The following RABGAP1 variants were observed in gnomAD, a reference collection of about 807,000 sequenced individuals.
The protein encoded by RABGAP1 is rab GTPase-activating protein 1.
A neutral mutation model predicts 137.6 loss-of-function variants in RABGAP1; 23 were observed. That is an observed-to-expected ratio of 0.17 (90% CI 0.12 to 0.24). The LOEUF (loss-of-function observed/expected upper bound fraction) is 0.24, where lower values mean the gene tolerates loss of function less well. RABGAP1 is among the 10% of genes least tolerant of loss of function. The probability of loss-of-function intolerance (pLI) is 1.00; values close to 1 mark genes in which losing one functional copy is unlikely to be tolerated. For synonymous variants in RABGAP1, 451 were observed against 450.7 expected (o/e 1.00, Z -0.01); for missense variants, 906 against 1,275.8 (o/e 0.71, Z 4.42).
chr9:123,043,364 C>G (rs912826519), intron 13 of RABGAP1, among the ~76,000 whole-genome samples: 3 of 151,890 alleles, frequency 2.0e-5, no homozygotes, highest in Non-Finnish European at 4.4e-5. Context: ...GGAGGTATGT[C>G]TCTAGGAAAA....
intron 2 of RABGAP1, among the ~76,000 whole-genome samples, chr9:122,976,010 C>T (rs1349358556): frequency 6.6e-6 from 1 of 152,152 alleles, no homozygotes; most frequent in African/African-American, 2.4e-5. Context: ...TAGTGAGAGC[C>T]ATTCAGATAA....
chr9:123,094,180 C>G (rs117257927), intron 21 of RABGAP1, among the ~76,000 whole-genome samples: 3,798 of 152,278 alleles, frequency 0.025, 78 homozygotes, highest in Middle Eastern at 0.037. Flanking sequence ...CATATACAAT[C>G]ATATCATCTC....
chr9:123,001,892 G>A (rs980327578), intron 10 of RABGAP1, among the ~76,000 whole-genome samples: 3 of 152,162 alleles, frequency 2.0e-5, no homozygotes, highest in Non-Finnish European at 2.9e-5. Flanking sequence ...TAATAAAAAA[G>A]CACTAAGTCA....
chr9:122,951,881 A>G (rs762915685), intron 1 of RABGAP1, among the ~76,000 whole-genome samples: 1 of 152,184 alleles, frequency 6.6e-6, no homozygotes. Context: ...CTAATTGTGA[A>G]TCTTTATTTA....
intron 13 of RABGAP1, among the ~76,000 whole-genome samples, chr9:123,043,214 C>T (rs2033037242): frequency 6.6e-6 from 1 of 152,136 alleles, no homozygotes; most frequent in African/African-American, 2.4e-5. Flanking sequence ...TAAAGAGATA[C>T]AGAATCCAGG....
intron 15 of RABGAP1, among the ~76,000 whole-genome samples, chr9:123,071,178 C>A (rs1189317540): frequency 2.0e-5 from 3 of 152,190 alleles, no homozygotes; most frequent in Non-Finnish European, 4.4e-5. Flanking sequence ...GTCTGATACA[C>A]AATACACATT....
chr9:122,987,328 A>G (rs1836425142), intron 4 of RABGAP1, among the ~76,000 whole-genome samples: 2 of 152,188 alleles, frequency 1.3e-5, no homozygotes, highest in African/African-American at 2.4e-5. Flanking sequence ...TACCAAAGAT[A>G]CATGCTTATT....
At chr9:123,036,319 G>A (rs1346938495) in intron 13 of RABGAP1, among the ~76,000 whole-genome samples, 1 of 152,196 alleles carries the variant, frequency 6.6e-6, no homozygotes, top group Non-Finnish European at 1.5e-5. Context: ...GCTTCACAGA[G>A]ATCTAAAGAT....
At chr9:122,943,679 C>T (rs924831066) in intron 1 of RABGAP1, among the ~76,000 whole-genome samples, 36 of 152,216 alleles carry the variant, frequency 2.4e-4, no homozygotes, top group Admixed American at 1.8e-3. Flanking sequence ...GTTGGCTGGG[C>T]GCGGTGGCTC....
intron 19 of RABGAP1, 76 bp from the exon 20 acceptor site, chr9:123,089,681 CT>C: frequency 8.8e-7 from 1 of 1,132,348 alleles, no homozygotes; most frequent in Non-Finnish European, 1.3e-6. Flanking sequence ...CACCAGAAGT[CT>C]TGGTCTTCAG....
intron 10 of RABGAP1, among the ~76,000 whole-genome samples, chr9:123,009,753 G>T (rs899789613): frequency 6.6e-6 from 1 of 152,002 alleles, no homozygotes; most frequent in Non-Finnish European, 1.5e-5. Flanking sequence ...ACATTTTTGT[G>T]GTTACTGTTG....
At chr9:123,019,850 G>C (rs2031501348) in intron 12 of RABGAP1, among the ~76,000 whole-genome samples, 1 of 151,888 alleles carries the variant, frequency 6.6e-6, no homozygotes. Context: ...CCACCATGAT[G>C]GGCTAATTTT....
At chr9:123,079,239 G>GTTTTT (rs56098560) in intron 19 of RABGAP1, among the ~76,000 whole-genome samples, 47 of 106,690 alleles carry the variant, frequency 4.4e-4, no homozygotes, top group African/African-American at 1.0e-3. Context: ...GTTTTGTTTT[G>GTTTTT]TTTTTTTTTT....
chr9:123,059,753 C>T (rs1281646863), intron 13 of RABGAP1, among the ~76,000 whole-genome samples: 1 of 152,190 alleles, frequency 6.6e-6, no homozygotes, highest in Admixed American at 6.5e-5. Context: ...CACCTATGAG[C>T]TGCAAAGCGA....
upstream of RABGAP1, among the ~76,000 whole-genome samples, chr9:122,936,743 CA>C (rs1365774919): frequency 6.6e-6 from 1 of 152,224 alleles, no homozygotes; most frequent in Non-Finnish European, 1.5e-5. Context: ...AAAAGAATAG[CA>C]CCTGTTTTGT....
intron 1 of RABGAP1, among the ~76,000 whole-genome samples, chr9:122,949,913 G>C (rs1161433148): frequency 2.0e-5 from 3 of 152,062 alleles, no homozygotes; most frequent in Non-Finnish European, 4.4e-5. Flanking sequence ...CACATTCCCA[G>C]CTGAGCAAGC....
intron 12 of RABGAP1, among the ~76,000 whole-genome samples, chr9:123,017,783 T>C (rs1379012933): frequency 6.6e-6 from 1 of 152,210 alleles, no homozygotes; most frequent in Non-Finnish European, 1.5e-5. Flanking sequence ...CACTGTGCTG[T>C]TATGTGCTCT....
chr9:122,985,875 G>A (rs934553687), intron 3 of RABGAP1, among the ~76,000 whole-genome samples: 2 of 152,104 alleles, frequency 1.3e-5, no homozygotes, highest in Non-Finnish European at 2.9e-5. Context: ...ATTACCTGCT[G>A]AGCACCCCAA....
At chr9:123,024,302 G>C (rs2031826303) in intron 13 of RABGAP1, among the ~76,000 whole-genome samples, 1 of 152,174 alleles carries the variant, frequency 6.6e-6, no homozygotes, top group Non-Finnish European at 1.5e-5. Context: ...ACTTGGATGT[G>C]ACAATTCACA....
Sources: gnomAD v4.1 joint callset for allele counts (sites outside exome capture counted in the v4.1 genomes callset) on GRCh38, gnomAD v4.1.1 for gene constraint, MANE v1.5 for transcripts, NCBI Gene and HGNC (gene_info 2026-07-23, HGNC 2026-07-21) for gene names.